PI4KA: variants seen among roughly 807,000 people sequenced by gnomAD.
PI4KA encodes the protein PI4-kinase alpha.
A neutral mutation model predicts 271.4 loss-of-function variants in PI4KA; 122 were observed. That is an observed-to-expected ratio of 0.45 (90% CI 0.39 to 0.52). The LOEUF is 0.52. Ranked by LOEUF, PI4KA falls within the 20% of genes least tolerant of loss-of-function variation. PI4KA has a pLI of 0.00. For missense variants in PI4KA, 1,969 were observed against 2,769.1 expected, an observed-to-expected ratio of 0.71 and a Z score of 6.48; for synonymous variants, 1,041 against 1,078.8, an observed-to-expected ratio of 0.96 and a Z score of 0.69.
intron 2 of PI4KA, among the ~76,000 whole-genome samples, chr22:20,836,435 G>A (rs1443758632): frequency 6.6e-6 from 1 of 152,232 alleles, no homozygotes; most frequent in African/African-American, 2.4e-5. Context: ...GAGGATCCTA[G>A]TGTACAGACA....
At chr22:20,738,117 G>A (rs1183505075) in intron 32 of PI4KA, among the ~76,000 whole-genome samples, 10 of 152,028 alleles carry the variant, frequency 6.6e-5, no homozygotes, top group Non-Finnish European at 1.5e-5. Flanking sequence ...CCAAGAGATA[G>A]TGTGTAGGCA....
chr22:20,794,981 G>T (rs935863088), intron 18 of PI4KA, among the ~76,000 whole-genome samples: 2 of 152,108 alleles, frequency 1.3e-5, no homozygotes, highest in African/African-American at 4.8e-5. Flanking sequence ...CAGAAAAAGT[G>T]GGCTGACCCC....
Position 20,827,864 on chromosome 22 carries a change from G to A in PI4KA, c.368-3450C>T, listed in dbSNP as rs565062294. Among the ~76,000 whole-genome samples the A allele has an allele frequency of 5.9e-5, 9 of 152,168 alleles. No individual in the cohort carries two copies. In the East Asian group the frequency reaches 1.7e-3, roughly 29 times the overall value. Reference sequence around the variant, plus strand: ...GGCTGGAGGGCAGTGGCACAATCGCGGCTCACTGCAACCTCCGCCTCCCAG... The same window carrying A: ...GGCTGGAGGGCAGTGGCACAATCGCAGCTCACTGCAACCTCCGCCTCCCAG... On this transcript the variant is annotated intron_variant, in intron 3 of 54. Transcript: ENST00000255882.
At chr22:20,714,744 A>C (rs753342309) in intron 45 of PI4KA, 44 bp from the exon 46 acceptor site, 5 of 1,592,118 alleles carry the variant, frequency 3.1e-6, no homozygotes, top group Admixed American at 3.5e-5. Flanking sequence ...ATGTGTCACC[A>C]CAGGTGAGCC....
chr22:20,797,101 G>A (rs964860006), intron 17 of PI4KA, among the ~76,000 whole-genome samples: 3 of 152,156 alleles, frequency 2.0e-5, no homozygotes, highest in Admixed American at 6.5e-5. Context: ...TAAGCATGTC[G>A]TCTGCTCCAC....
chr22:20,809,329 A>T (rs556849646), intron 9 of PI4KA, among the ~76,000 whole-genome samples: 1 of 152,254 alleles, frequency 6.6e-6, no homozygotes, highest in East Asian at 1.9e-4. Context: ...GAGTGAGTAA[A>T]GTTCTGGCAC....
chr22:20,714,088 A>G (rs1280030467), intron 47 of PI4KA, among the ~76,000 whole-genome samples: 1 of 152,160 alleles, frequency 6.6e-6, no homozygotes, highest in Admixed American at 6.5e-5. Context: ...GCAAGGTGTG[A>G]CCTGCCCAGA....
In PI4KA at chr22:20,793,185, A is replaced by C; in HGVS notation, c.2328+8T>G. ...GCAGTTTTTATCATTCAATTAATGA[A>C]TACTCACCACAGCTATTACAGGAAT... On this transcript the variant is annotated splice_region_variant and intron_variant, in intron 19 of 54. Coordinates refer to ENST00000255882, the MANE Select transcript of PI4KA (RefSeq NM_058004.4). 6.7e-7 allele frequency: 1 copy of C among 1,493,440 alleles called. No homozygotes were observed. The highest frequency in any genetic ancestry group is 9.3e-7 in the Non-Finnish European group (1 of 1,069,942). 92.5% of individuals were successfully genotyped at this position (1,493,440 alleles called of 1,614,324 possible).
intron 7 of PI4KA, among the ~76,000 whole-genome samples, chr22:20,814,815 G>GA (rs1238169515): frequency 1.3e-5 from 2 of 150,564 alleles, no homozygotes; most frequent in Non-Finnish European, 3.0e-5. Context: ...AAAAAAGAAG[G>GA]AAAAAAATCA....
intron 19 of PI4KA, chr22:20,784,361 C>G: frequency 7.2e-7 from 1 of 1,384,074 alleles, no homozygotes; most frequent in Non-Finnish European, 1.0e-6. Flanking sequence ...TACCCAAGAA[C>G]TTCCATACAG....
intron 9 of PI4KA, among the ~76,000 whole-genome samples, chr22:20,807,762 C>G (rs1349525177): frequency 6.6e-6 from 1 of 152,106 alleles, no homozygotes; most frequent in African/African-American, 2.4e-5. Flanking sequence ...TTGGCCCAGA[C>G]AGGGACATGG....
At chr22:20,779,232 TG>T in intron 19 of PI4KA, 1 of 1,607,188 alleles carries the variant, frequency 6.2e-7, no homozygotes, top group Non-Finnish European at 8.5e-7. Context: ...ACCTGCCATG[TG>T]GATGCTGCAG....
chr22:20,802,134 T>C (rs754968892), intron 13 of PI4KA, 29 bp from the exon 14 acceptor site: 1 of 1,600,298 alleles, frequency 6.2e-7, no homozygotes, highest in South Asian at 1.1e-5. Flanking sequence ...AATATATACC[T>C]AGTTAGGCCT....
intron 23 of PI4KA, among the ~76,000 whole-genome samples, chr22:20,759,322 G>A (rs1931695185): frequency 6.6e-6 from 1 of 152,134 alleles, no homozygotes; most frequent in Non-Finnish European, 1.5e-5. Flanking sequence ...GGGATTACAG[G>A]CGTAAGCCAC....
chr22:20,829,008 A>G (rs1198532208), intron 3 of PI4KA, among the ~76,000 whole-genome samples: 1 of 152,206 alleles, frequency 6.6e-6, no homozygotes, highest in Non-Finnish European at 1.5e-5. Flanking sequence ...TATCCCAGGG[A>G]TAAAGCCTAC....
At chr22:20,725,678 T>A (rs1323196621) in intron 42 of PI4KA, 1 of 351,794 alleles carries the variant, frequency 2.8e-6, no homozygotes, top group Non-Finnish European at 6.1e-6. Flanking sequence ...GCAGATTGCC[T>A]GAGCTCAGGA....
At chr22:20,845,904 T>C (rs1383030857) in intron 1 of PI4KA, among the ~76,000 whole-genome samples, 1 of 151,626 alleles carries the variant, frequency 6.6e-6, no homozygotes, top group Non-Finnish European at 1.5e-5. Context: ...TGGTCATCTG[T>C]AGACAGATTC....
intron 4 of PI4KA, among the ~76,000 whole-genome samples, chr22:20,823,137 C>T (rs1380399216): frequency 6.6e-6 from 1 of 152,216 alleles, no homozygotes; most frequent in East Asian, 1.9e-4. Context: ...TGGTCTCAAA[C>T]TCCTGACCTC....
chr22:20,731,668 G>A (rs1042518969), intron 36 of PI4KA, among the ~76,000 whole-genome samples: 34 of 152,268 alleles, frequency 2.2e-4, no homozygotes, highest in African/African-American at 7.5e-4. Flanking sequence ...GGTGGCTCAC[G>A]CCTGTAATCC....
Sources: allele counts gnomAD v4.1 joint callset (sites outside exome capture counted in the v4.1 genomes callset), GRCh38; gene constraint gnomAD v4.1.1; transcripts MANE v1.5; gene names NCBI Gene and HGNC (gene_info 2026-07-23, HGNC 2026-07-21).